Variants in TNRC6B observed in about 807,000 individuals in gnomAD.
The protein encoded by TNRC6B is trinucleotide repeat containing adaptor 6B, also known as trinucleotide repeat-containing gene 6B protein.
Under a neutral mutation model 203.6 loss-of-function variants are expected in TNRC6B, and 52 were observed. That is an observed-to-expected ratio of 0.26 (90% confidence interval 0.20 to 0.32). TNRC6B has a LOEUF of 0.32. Among genes scored for constraint, TNRC6B ranks in the 10% least tolerant of loss-of-function variants. TNRC6B has a pLI of 1.00. For missense variants in TNRC6B, 1,923 were observed against 2,286.2 expected (o/e 0.84, Z 3.24); for synonymous variants, 838 against 845.7 (o/e 0.99, Z 0.16).
chr22:40,133,472 C>T (rs936836650), intron 3 of TNRC6B, among the ~76,000 whole-genome samples: 1 of 152,074 alleles, frequency 6.6e-6, no homozygotes, highest in African/African-American at 2.4e-5. Context: ...GGGAGGTAAC[C>T]ATACCATACA....
intron 4 of TNRC6B, among the ~76,000 whole-genome samples, chr22:40,171,565 T>G (rs2068999177): frequency 6.6e-6 from 1 of 152,174 alleles, no homozygotes; most frequent in African/African-American, 2.4e-5. Flanking sequence ...TATTTTGAAC[T>G]TGTATTTTTT....
intron 1 of TNRC6B, among the ~76,000 whole-genome samples, chr22:40,113,120 G>A (rs1263216132): frequency 6.6e-6 from 1 of 152,130 alleles, no homozygotes; most frequent in African/African-American, 2.4e-5. Flanking sequence ...AACAACAAAA[G>A]CTGGACTAGG....
Position 40,305,431 on chromosome 22 carries a change from G to A in TNRC6B, c.4121-3081G>A, listed in dbSNP as rs139090911. 5.4e-3 allele frequency among the ~76,000 whole-genome samples: 822 copies of A among 152,298 alleles called. 8 individuals carry two copies. Among genetic ancestry groups the A allele is most frequent in the African/African-American group, 0.019 (777 of 41,566 alleles). ...AGTACAATACAGTCAGTATTTTCTT[G>A]GGTTTAGAGATACGACAGCTTGTAA... On this transcript the variant is annotated intron_variant, in intron 15 of 22. Coordinates refer to ENST00000454349, the MANE Select transcript of TNRC6B (RefSeq NM_001162501.2).
chr22:40,331,399 T>C lies in TNRC6B; in HGVS notation c.*8158T>C, dbSNP rs2071464134. 3.4e-6 allele frequency: 1 copy of C among 297,874 alleles called. No individual in the cohort carries two copies. Among genetic ancestry groups the C allele is most frequent in the Admixed American group, 5.2e-5 (1 of 19,284 alleles). The allele number at this position is 297,874 out of a possible 1,614,324, so 18.5% of individuals were successfully genotyped here. On this transcript the variant is annotated 3_prime_UTR_variant, in exon 23 of 23. Transcript: ENST00000454349. ...TTTTTATGTTTTAAACAATTTCACC[T>C]CTTCTCCCCACTCCTATCTTCTAAA...
intron 1 of TNRC6B, among the ~76,000 whole-genome samples, chr22:40,109,254 G>A (rs1377802613): frequency 1.3e-5 from 2 of 152,152 alleles, no homozygotes; most frequent in Non-Finnish European, 2.9e-5. Context: ...ACGCGTGTAT[G>A]TATCTTTATA....
At chr22:40,312,774 T>C (rs2071203326) in intron 18 of TNRC6B, 123 bp downstream of exon 18, 5 of 1,480,378 alleles carry the variant, frequency 3.4e-6, no homozygotes, top group Non-Finnish European at 4.6e-6. Context: ...AAGATTGCTT[T>C]TCACTTTTAT....
chr22:40,158,064 C>G (rs2068833981), intron 4 of TNRC6B, among the ~76,000 whole-genome samples: 1 of 152,030 alleles, frequency 6.6e-6, no homozygotes, highest in African/African-American at 2.4e-5. Context: ...GTAGGCCAGG[C>G]GTGGTGTGGC....
intron 1 of TNRC6B, among the ~76,000 whole-genome samples, chr22:40,181,539 T>C (rs1388488524): frequency 6.6e-6 from 1 of 152,230 alleles, no homozygotes; most frequent in African/African-American, 2.4e-5. Flanking sequence ...GCATTATTGG[T>C]AAACAGATCG....
chr22:40,285,619 C>T, intron 11 of TNRC6B, 26 bp from the exon 12 acceptor site: 1 of 1,600,962 alleles, frequency 6.2e-7, no homozygotes. Context: ...TAACAAAAAG[C>T]CTTACTGCTG....
chr22:40,183,275 CT>C (rs2069159541), intron 1 of TNRC6B, among the ~76,000 whole-genome samples: 1 of 152,132 alleles, frequency 6.6e-6, no homozygotes, highest in Non-Finnish European at 1.5e-5. Context: ...CTGTATCTCC[CT>C]TTGTTGAATG....
chr22:40,132,548 G>A (rs941409840), intron 3 of TNRC6B, among the ~76,000 whole-genome samples: 7 of 150,862 alleles, frequency 4.6e-5, no homozygotes, highest in African/African-American at 1.7e-4. Context: ...GGGAGGCTGA[G>A]GCAGGAGAAT....
In TNRC6B at chr22:40,326,191, C is replaced by G. The variant is rs540929594; in HGVS notation, c.*2950C>G. On this transcript the variant is annotated 3_prime_UTR_variant, in exon 23 of 23. Coordinates refer to ENST00000454349, the MANE Select transcript of TNRC6B (RefSeq NM_001162501.2). ...TTCTCAGGAATTCTAGGGTAGGAAG[C>G]CAGTTTTTTGAAGATGGTTTATTTA... is the stretch of plus-strand genomic sequence containing the variant. 1 of 152,454 alleles carries G rather than the reference C, an allele frequency of 6.6e-6. No homozygotes were observed. The highest frequency in any genetic ancestry group is 2.1e-4 in the South Asian group (1 of 4,810). 9.4% of individuals were successfully genotyped at this position (152,454 alleles called of 1,614,324 possible).
chr22:40,225,370 G>A (rs961026229), intron 1 of TNRC6B, among the ~76,000 whole-genome samples: 15 of 152,182 alleles, frequency 9.9e-5, no homozygotes, highest in African/African-American at 3.6e-4. Flanking sequence ...AAAGCATAAT[G>A]CTCAACTGAA....
At chr22:40,213,873 G>T (rs893387798) in intron 1 of TNRC6B, among the ~76,000 whole-genome samples, 1 of 152,082 alleles carries the variant, frequency 6.6e-6, no homozygotes, top group Admixed American at 6.5e-5. Context: ...AAAAGAACTC[G>T]GGTTCATATG....
intron 19 of TNRC6B, among the ~76,000 whole-genome samples, chr22:40,314,339 A>G (rs1049200572): frequency 3.3e-5 from 5 of 152,082 alleles, no homozygotes; most frequent in Non-Finnish European, 7.3e-5. Flanking sequence ...TTAGTGATTT[A>G]TTCTGCAATC....
chr22:40,090,026 T>C (rs2068137139), intron 1 of TNRC6B, among the ~76,000 whole-genome samples: 1 of 152,250 alleles, frequency 6.6e-6, no homozygotes, highest in Non-Finnish European at 1.5e-5. Flanking sequence ...CTCATTTCAT[T>C]TTAGCATGAA....
At chr22:40,217,731 T>C (rs1601892433) in intron 1 of TNRC6B, among the ~76,000 whole-genome samples, 1 of 152,174 alleles carries the variant, frequency 6.6e-6, no homozygotes, top group South Asian at 2.1e-4. Flanking sequence ...TCCCAGCACT[T>C]TGGGAGGCCG....
intron 15 of TNRC6B, among the ~76,000 whole-genome samples, chr22:40,302,104 G>T (rs2071031351): frequency 6.6e-6 from 1 of 152,166 alleles, no homozygotes; most frequent in Non-Finnish European, 1.5e-5. Flanking sequence ...GATTTAAATA[G>T]AATTAGAACA....
intron 1 of TNRC6B, among the ~76,000 whole-genome samples, chr22:40,223,513 C>G (rs1310799838): frequency 6.6e-6 from 1 of 152,118 alleles, no homozygotes; most frequent in African/African-American, 2.4e-5. Flanking sequence ...TTCTTACGTA[C>G]ATGATATCAT....
Sources: gnomAD v4.1 joint callset for allele counts (sites outside exome capture counted in the v4.1 genomes callset) on GRCh38, gnomAD v4.1.1 for gene constraint, MANE v1.5 for transcripts, NCBI Gene and HGNC (gene_info 2026-07-23, HGNC 2026-07-21) for gene names.